The following ATP2C2 variants were observed in gnomAD, a reference collection of about 807,000 sequenced individuals.
ATP2C2 encodes the protein ATPase secretory pathway Ca2+ transporting 2, also known as calcium-transporting ATPase type 2C member 2.
A neutral mutation model predicts 110.8 loss-of-function variants in ATP2C2; 171 were observed. The observed-to-expected ratio is 1.54, with a 90% confidence interval of 1.36 to 1.75. The LOEUF (loss-of-function observed/expected upper bound fraction) is 1.75, where lower values mean the gene tolerates loss of function less well. Among genes scored for constraint, ATP2C2 ranks in the 40% most tolerant of loss-of-function variants. The pLI is 0.00. For missense variants in ATP2C2, 1,963 were observed against 1,235.0 expected (o/e 1.59, Z -8.84); for synonymous variants, 804 against 508.4 (o/e 1.58, Z -7.82).
rs918309196 is a variant in ATP2C2 at position 84,463,550 on chromosome 16, G to C, written c.2723-64G>C. On this transcript the variant is annotated intron_variant, in intron 26 of 26. Coordinates refer to ENST00000262429, the MANE Select transcript of ATP2C2 (RefSeq NM_014861.4). ...TATCAGGAGGACTGGCAGGGAAGGCGCTTCCTGCCGGCGCAACAGAGCTGC... is the reference window on the plus strand; with the variant it reads ...TATCAGGAGGACTGGCAGGGAAGGCCCTTCCTGCCGGCGCAACAGAGCTGC... 11 of 1,381,890 alleles carry C rather than the reference G, an allele frequency of 8.0e-6. No individual in the cohort carries two copies. The African/African-American group carries it at 1.4e-4, about 18-fold the overall frequency. 85.6% of individuals were successfully genotyped at this position (1,381,890 alleles called of 1,614,324 possible).
chr16:84,422,426 G>A lies in ATP2C2; in HGVS notation c.661G>A (p.Gly221Arg), dbSNP rs184593151. Residue 221 changes from glycine to arginine, a missense_variant, in exon 8 of 27, where the codon GGG becomes AGG. Coordinates refer to ENST00000262429, the MANE Select transcript of ATP2C2 (RefSeq NM_014861.4). ...DLLVDESSFTGEAEPCSKTDS... is the reference protein window; with the variant it reads ...DLLVDESSFTREAEPCSKTDS... ...CTTGGTGGATGAATCCAGTTTCACC[G>A]GGGAAGCCGAGCCATGTAGTAAAAC... 37 of 1,613,798 alleles carry A rather than the reference G, an allele frequency of 2.3e-5. No homozygotes were observed. Among genetic ancestry groups the A allele is most frequent in the South Asian group, 1.2e-4 (11 of 91,046 alleles).
chr16:84,435,848 G>C (rs1190071975), intron 11 of ATP2C2, among the ~76,000 whole-genome samples: 1 of 149,210 alleles, frequency 6.7e-6, no homozygotes, highest in Non-Finnish European at 1.5e-5. Flanking sequence ...TAAAAAACAG[G>C]CAAGGCACAG....
intron 2 of ATP2C2, among the ~76,000 whole-genome samples, chr16:84,399,183 C>T (rs1339191089): frequency 6.6e-6 from 1 of 152,194 alleles, no homozygotes; most frequent in Non-Finnish European, 1.5e-5. Context: ...CTCAGAACCA[C>T]TACATTTTGG....
At chr16:84,411,816 T>A (rs1308918717) in intron 6 of ATP2C2, among the ~76,000 whole-genome samples, 1 of 152,236 alleles carries the variant, frequency 6.6e-6, no homozygotes, top group Non-Finnish European at 1.5e-5. Flanking sequence ...GGCTACCATA[T>A]TGGGCAGCTC....
At chr16:84,462,311 A>C (rs1240316992) in intron 26 of ATP2C2, 182 bp downstream of exon 26, 1 of 755,980 alleles carries the variant, frequency 1.3e-6, no homozygotes, top group African/African-American at 1.8e-5. Flanking sequence ...GGGTGATGTG[A>C]CGGATGCACA....
intron 1 of ATP2C2, among the ~76,000 whole-genome samples, chr16:84,375,371 G>A (rs1018987261): frequency 1.3e-5 from 2 of 152,032 alleles, no homozygotes; most frequent in Admixed American, 6.6e-5. Flanking sequence ...GTGAAACCTC[G>A]TCTCTACTAA....
chr16:84,407,464 G>A (rs1384664851), intron 3 of ATP2C2: 1 of 152,044 alleles, frequency 6.6e-6, no homozygotes, highest in Non-Finnish European at 1.5e-5. Context: ...GCCCAGACCA[G>A]GTGCATTATT....
chr16:84,450,529 A>G (rs932954782), intron 17 of ATP2C2, among the ~76,000 whole-genome samples: 1 of 152,136 alleles, frequency 6.6e-6, no homozygotes, highest in Non-Finnish European at 1.5e-5. Context: ...TGGCCACTAG[A>G]AGCAGGGGAT....
intron 16 of ATP2C2, among the ~76,000 whole-genome samples, chr16:84,447,593 T>C (rs1376643825): frequency 6.9e-6 from 1 of 145,604 alleles, no homozygotes; most frequent in Admixed American, 6.8e-5. Context: ...TTTAATATTA[T>C]GTCTTAGATG....
chr16:84,399,489 T>G (rs1191299441), intron 2 of ATP2C2, among the ~76,000 whole-genome samples: 4 of 152,246 alleles, frequency 2.6e-5, no homozygotes, highest in Non-Finnish European at 5.9e-5. Flanking sequence ...AAGGACACTT[T>G]TGTTGCGACC....
At chr16:84,463,537 T>G in intron 26 of ATP2C2, 77 bp from the exon 27 acceptor site, 1 of 1,214,532 alleles carries the variant, frequency 8.2e-7, no homozygotes, top group Non-Finnish European at 1.2e-6. Flanking sequence ...TCAGGAGGAC[T>G]GGCAGGGAAG....
chr16:84,371,165 A>G (rs943367200), intron 1 of ATP2C2, among the ~76,000 whole-genome samples: 2 of 152,184 alleles, frequency 1.3e-5, no homozygotes, highest in Non-Finnish European at 2.9e-5. Flanking sequence ...GGGGAACTGG[A>G]GACGACCCCA....
At chr16:84,412,805 C>T (rs975238176) in intron 6 of ATP2C2, among the ~76,000 whole-genome samples, 1 of 151,946 alleles carries the variant, frequency 6.6e-6, no homozygotes, top group East Asian at 1.9e-4. Flanking sequence ...TAGAAGGTAT[C>T]CTGTGATCAG....
intron 1 of ATP2C2, among the ~76,000 whole-genome samples, chr16:84,382,780 C>T (rs1256084879): frequency 2.0e-5 from 3 of 151,926 alleles, no homozygotes; most frequent in African/African-American, 7.3e-5. Flanking sequence ...CCTGTAATCC[C>T]AGCTACTTGG....
chr16:84,405,126 A>G lies in ATP2C2; in HGVS notation c.211-2A>G, dbSNP rs772659766. ...GAGCTTGTGCCTGACCTCTCCTTCC[A>G]GGTGGACTTACACACTGGGCTGTCG... On this transcript the variant is annotated splice_acceptor_variant, in intron 2 of 26. Transcript: ENST00000262429. LOFTEE classifies it high-confidence loss of function. 1 of 1,611,290 alleles carries G rather than the reference A, an allele frequency of 6.2e-7. No individual in the cohort carries two copies. Among genetic ancestry groups the G allele is most frequent in the South Asian group, 1.1e-5 (1 of 90,970 alleles).
intron 1 of ATP2C2, among the ~76,000 whole-genome samples, chr16:84,369,221 T>C (rs7197847): frequency 0.62 from 93,850 of 152,078 alleles, 29,891 homozygotes; most frequent in African/African-American, 0.79. Flanking sequence ...TTTTAGAAAG[T>C]CACTCAGAGC....
chr16:84,461,482 C>T, intron 24 of ATP2C2: 1 of 598,956 alleles, frequency 1.7e-6, no homozygotes, highest in East Asian at 2.8e-5. Context: ...TTCCTCCACC[C>T]ATAGGTGCCC....
At chr16:84,377,553 G>A (rs1910320089) in intron 1 of ATP2C2, among the ~76,000 whole-genome samples, 1 of 152,028 alleles carries the variant, frequency 6.6e-6, no homozygotes, top group Admixed American at 6.6e-5. Context: ...TCATACGGTT[G>A]TCCTCTGTGC....
At chr16:84,430,766 C>T (rs1908204534) in intron 11 of ATP2C2, among the ~76,000 whole-genome samples, 1 of 152,094 alleles carries the variant, frequency 6.6e-6, no homozygotes, top group African/African-American at 2.4e-5. Context: ...TTACACAGCC[C>T]ATGGGGTAAG....
Sources: gnomAD v4.1 joint callset for allele counts (sites outside exome capture counted in the v4.1 genomes callset) on GRCh38, gnomAD v4.1.1 for gene constraint, MANE v1.5 for transcripts, NCBI Gene and HGNC (gene_info 2026-07-23, HGNC 2026-07-21) for gene names.